The following SYNE2 variants were observed in gnomAD, a reference collection of about 807,000 sequenced individuals.
SYNE2 encodes nesprin-2.
In SYNE2, 431 loss-of-function variants were observed where a neutral mutation model predicts 856.3. The ratio of observed to expected loss-of-function variants is 0.50; its 90% CI spans 0.47 to 0.55. The LOEUF (loss-of-function observed/expected upper bound fraction) is 0.55, where lower values mean the gene tolerates loss of function less well. Among genes scored for constraint, SYNE2 ranks in the 20% least tolerant of loss-of-function variants. The pLI is 0.00. For synonymous variants in SYNE2, 2,923 were observed against 2,872.3 expected (o/e 1.02, Z -0.56); for missense variants, 8,129 against 8,023.2 (o/e 1.01, Z -0.50).
chr14:64,073,420 A>G (rs1037794328), intron 52 of SYNE2, among the ~76,000 whole-genome samples: 1 of 152,190 alleles, frequency 6.6e-6, no homozygotes, highest in Non-Finnish European at 1.5e-5. Flanking sequence ...TAGCACTCCT[A>G]TCTACAAGGG....
At chr14:63,786,026 G>A (rs958232185) in intron 1 of SYNE2, among the ~76,000 whole-genome samples, 7 of 152,192 alleles carry the variant, frequency 4.6e-5, no homozygotes, top group Admixed American at 1.3e-4. Context: ...TGAGATGGGC[G>A]GATCATCTGA....
chr14:63,789,733 G>A (rs1472208677), intron 1 of SYNE2, among the ~76,000 whole-genome samples: 4 of 151,650 alleles, frequency 2.6e-5, no homozygotes, highest in Admixed American at 6.6e-5. Flanking sequence ...AGCTGAGATC[G>A]TGCCACTGCA....
intron 11 of SYNE2, among the ~76,000 whole-genome samples, chr14:63,970,901 C>T (rs1021093256): frequency 1.3e-5 from 2 of 151,516 alleles, no homozygotes; most frequent in Admixed American, 6.6e-5. Flanking sequence ...GATCTGCCTG[C>T]CTTGACCTCC....
chr14:64,205,409 T>TTA (rs1054895603), intron 100 of SYNE2, among the ~76,000 whole-genome samples: 18 of 152,190 alleles, frequency 1.2e-4, no homozygotes, highest in African/African-American at 7.2e-5. Context: ...TTTTAAAACC[T>TTA]TACCTAGTGA....
At chr14:63,944,309 A>ATATATATATAT (rs2095981522) in intron 6 of SYNE2, among the ~76,000 whole-genome samples, 2 of 140,354 alleles carry the variant, frequency 1.4e-5, no homozygotes, top group African/African-American at 5.4e-5. Context: ...TATATATATA[A>ATATATATATAT]ATAAATAAAT....
rs116850019 is a variant in SYNE2, at chr14:64,070,084, G to A, written c.10432-561G>A. On this transcript the variant is annotated intron_variant, in intron 51 of 115. Transcript: ENST00000555002. ...GGTGGAACTCCCAGTTTCTAGATAT[G>A]TGATGTAATAGGTTATGTATTTCTG... Among the ~76,000 whole-genome samples, 94 of 152,304 alleles carry A rather than the reference G, an allele frequency of 6.2e-4. No individual in the cohort carries two copies. In the East Asian group the frequency reaches 0.016, roughly 26 times the overall value.
At chr14:63,967,982 G>A (rs1595928047) in intron 11 of SYNE2, 136 bp downstream of exon 11, 1 of 806,368 alleles carries the variant, frequency 1.2e-6, no homozygotes, top group East Asian at 2.7e-5. Context: ...GGCCAACATG[G>A]CGAAACCCTG....
Position 64,090,793 on chromosome 14 carries a change from A to G in SYNE2, c.11794-73A>G, listed in dbSNP as rs377563384. 2,898 of 1,356,144 alleles carry G rather than the reference A, an allele frequency of 2.1e-3. 81 individuals carry two copies. The South Asian group carries it at 0.035, about 16-fold the overall frequency. 84.0% of individuals were successfully genotyped at this position (1,356,144 alleles called of 1,614,324 possible). On this transcript the variant is annotated intron_variant, in intron 59 of 115. Transcript: ENST00000555002. Reference sequence around the variant, plus strand: ...ACTATAAAAACTATACTGTATTTTAATTTTGAATAATTAAATTTAACAGTG... The same window carrying G: ...ACTATAAAAACTATACTGTATTTTAGTTTTGAATAATTAAATTTAACAGTG...
intron 1 of SYNE2, among the ~76,000 whole-genome samples, chr14:63,855,603 G>T (rs371744385): frequency 3.3e-5 from 5 of 152,166 alleles, no homozygotes; most frequent in Admixed American, 6.5e-5. Context: ...TTCTTTACTT[G>T]ATGTTATTTT....
chr14:64,093,376 G>C lies in SYNE2; in HGVS notation c.12004G>C (p.Asp4002His). 1 of 1,614,042 alleles carries C rather than the reference G, an allele frequency of 6.2e-7. No individual in the cohort carries two copies. The highest frequency in any genetic ancestry group is 8.5e-7 in the Non-Finnish European group (1 of 1,179,902). The change falls in exon 61 of 116, where the codon GAT (aspartate) becomes CAT (histidine). Residue 4002 changes from aspartate (D) to histidine (H), a missense_variant. Physicochemically the swap from Asp to His is moderately conservative, Grantham distance 81 (BLOSUM62 -1). Transcript: ENST00000555002. ...KVVIKQTNEW[D>H]EEIENLKQIL... ...AGTCATAAAACAGACCAATGAATGGGATGAAGAAATAGAAAATTTGAAACA... is the reference window on the plus strand; with the variant it reads ...AGTCATAAAACAGACCAATGAATGGCATGAAGAAATAGAAAATTTGAAACA...
At chr14:63,948,277 A>G (rs890435185) in intron 6 of SYNE2, among the ~76,000 whole-genome samples, 1 of 152,238 alleles carries the variant, frequency 6.6e-6, no homozygotes, top group Non-Finnish European at 1.5e-5. Flanking sequence ...AAAATATTGC[A>G]TCTTTCAATC....
chr14:64,202,937 A>T lies in SYNE2; in HGVS notation c.18175A>T (p.Ile6059Phe). ...VVYDVCDDQE[I>F]QKRLAEQQDL... ...TTATGATGTCTGCGATGATCAAGAG[A>T]TCCAGAAGAGGCTCGCTGAGCAGCA... The change falls in exon 100 of 116, where the codon ATC (isoleucine) becomes TTC (phenylalanine). Residue 6059 changes from isoleucine (I) to phenylalanine (F), a missense_variant. Transcript: ENST00000555002. 4 of 1,614,188 alleles carry T rather than the reference A, an allele frequency of 2.5e-6. No individual in the cohort carries two copies. The highest frequency in any genetic ancestry group is 3.4e-6 in the Non-Finnish European group (4 of 1,180,046).
At chr14:64,223,808 A>AC (rs1335692661) in intron 113 of SYNE2, among the ~76,000 whole-genome samples, 7 of 152,088 alleles carry the variant, frequency 4.6e-5, no homozygotes, top group African/African-American at 1.7e-4. Context: ...GCCTCACCAG[A>AC]CTTAGGGCAG....
intron 18 of SYNE2, 34 bp from the exon 19 acceptor site, chr14:63,986,422 G>C: frequency 6.2e-7 from 1 of 1,612,440 alleles, no homozygotes; most frequent in Non-Finnish European, 8.5e-7. Flanking sequence ...TGTACATGCT[G>C]ACATTTTCTC....
intron 28 of SYNE2, 84 bp from the exon 29 acceptor site, chr14:64,001,850 T>C (rs2096757601): frequency 7.0e-7 from 1 of 1,424,718 alleles, no homozygotes; most frequent in African/African-American, 1.4e-5. Context: ...TTTTCTGTTC[T>C]TAGTTCAGTA....
intron 11 of SYNE2, among the ~76,000 whole-genome samples, chr14:63,972,071 TAAA>T (rs2153459555): frequency 6.6e-6 from 1 of 152,300 alleles, no homozygotes; most frequent in South Asian, 2.1e-4. Flanking sequence ...TCCAGTGGCT[TAAA>T]AGAGCCACTC....
At chr14:64,151,048 A>G (rs1391825427) in intron 84 of SYNE2, among the ~76,000 whole-genome samples, 1 of 152,200 alleles carries the variant, frequency 6.6e-6, no homozygotes. Flanking sequence ...TCTAAATTCT[A>G]AAAGCATAGA....
Position 64,214,439 on chromosome 14 carries a change from C to G in SYNE2, c.19302C>G (p.Asp6434Glu). Reference sequence around the variant, plus strand: ...GGGGCTCCTCCTCTCACGAAGAGGACGAGGAGGGCCCATACTACAGCGCAC... The same window carrying G: ...GGGGCTCCTCCTCTCACGAAGAGGAGGAGGAGGGCCCATACTACAGCGCAC... ...DVGGSSSHEE[D>E]EEGPYYSALS... The change falls in exon 106 of 116, where the codon GAC (aspartate) becomes GAG (glutamate). Residue 6434 changes from aspartate (D) to glutamate (E), a missense_variant. Physicochemically the swap from Asp to Glu is conservative, Grantham distance 45 (BLOSUM62 2). Transcript: ENST00000555002. 1 of 1,613,658 alleles carries G rather than the reference C, an allele frequency of 6.2e-7. No homozygotes were observed. Among genetic ancestry groups the G allele is most frequent in the Non-Finnish European group, 8.5e-7 (1 of 1,179,956 alleles).
chr14:63,940,777 T>C (rs2095903322), intron 3 of SYNE2, 102 bp downstream of exon 3: 12 of 998,348 alleles, frequency 1.2e-5, no homozygotes, highest in Non-Finnish European at 1.9e-5. Context: ...GTACTGGTGA[T>C]GACAGGGAAA....
Sources: gnomAD v4.1 joint callset for allele counts (sites outside exome capture counted in the v4.1 genomes callset) on GRCh38, gnomAD v4.1.1 for gene constraint, MANE v1.5 for transcripts, NCBI Gene and HGNC (gene_info 2026-07-23, HGNC 2026-07-21) for gene names.